CELF2: variants seen among roughly 807,000 people sequenced by gnomAD.
CELF2 encodes CUG triplet repeat RNA-binding protein 2.
A neutral mutation model predicts 62.6 loss-of-function variants in CELF2; 8 were observed. The observed-to-expected ratio is 0.13, with a 90% CI of 0.07 to 0.23. CELF2 has a LOEUF of 0.23. Among genes scored for constraint, CELF2 ranks in the 10% least tolerant of loss-of-function variants. The pLI, the probability that CELF2 is intolerant of heterozygous loss-of-function variation, is 1.00. For missense variants in CELF2, 333 were observed against 671.0 expected, an observed-to-expected ratio of 0.50 and a Z score of 5.56; for synonymous variants, 258 against 250.0, an observed-to-expected ratio of 1.03 and a Z score of -0.30.
chr10:11,250,955 T>C (rs548539366), intron 4 of CELF2, among the ~76,000 whole-genome samples: 5 of 152,348 alleles, frequency 3.3e-5, no homozygotes, highest in Non-Finnish European at 5.9e-5. Context: ...TCAGCCCTTG[T>C]GCTCCAGAGG....
At chr10:10,701,930 T>G in the CELF2 span, among the ~76,000 whole-genome samples, 39 of 152,346 alleles carry the variant, frequency 2.6e-4, no homozygotes, top group African/African-American at 9.1e-4. Flanking sequence ...CCTCATGAAC[T>G]TCTCCTGCGA....
chr10:10,873,504 G>C (rs1456062087), intron 1 of CELF2, among the ~76,000 whole-genome samples: 2 of 152,142 alleles, frequency 1.3e-5, no homozygotes, highest in Non-Finnish European at 2.9e-5. Flanking sequence ...GCTGGATTCT[G>C]TCCAAGGTGT....
chr10:11,185,127 G>C (rs1305246417), intron 2 of CELF2, among the ~76,000 whole-genome samples: 4 of 152,038 alleles, frequency 2.6e-5, no homozygotes, highest in Non-Finnish European at 5.9e-5. Context: ...CTGTTGAGAT[G>C]ATCATATCGG....
chr10:10,668,384 T>C, the CELF2 span, among the ~76,000 whole-genome samples: 18 of 152,166 alleles, frequency 1.2e-4, no homozygotes, highest in African/African-American at 4.1e-4. Flanking sequence ...TGCCCTACCT[T>C]GTGGATTTGA....
At chr10:10,791,359 C>A in the CELF2 span, among the ~76,000 whole-genome samples, 1 of 151,466 alleles carries the variant, frequency 6.6e-6, no homozygotes, top group East Asian at 1.9e-4. Flanking sequence ...CCAGTTGGAG[C>A]CGGGGTACAG....
At chr10:11,187,434 G>A (rs370846900) in intron 2 of CELF2, among the ~76,000 whole-genome samples, 42 of 152,092 alleles carry the variant, frequency 2.8e-4, no homozygotes, top group African/African-American at 1.0e-3. Flanking sequence ...TGCATTTATT[G>A]TACACAGCAG....
intron 4 of CELF2, among the ~76,000 whole-genome samples, chr10:11,249,779 A>C (rs2076606213): frequency 6.6e-6 from 1 of 152,208 alleles, no homozygotes; most frequent in African/African-American, 2.4e-5. Context: ...AGGTCCATAA[A>C]CAATTGGGTT....
the CELF2 span, among the ~76,000 whole-genome samples, chr10:10,566,098 C>T: frequency 4.9e-4 from 75 of 152,240 alleles, no homozygotes; most frequent in African/African-American, 1.5e-3. Context: ...TTATCCAACA[C>T]GTGAGGACAC....
chr10:10,670,632 C>T, the CELF2 span, among the ~76,000 whole-genome samples: 2 of 152,122 alleles, frequency 1.3e-5, no homozygotes, highest in African/African-American at 2.4e-5. Flanking sequence ...TACATAAGGG[C>T]TCACTCTTGG....
rs1301413872 is a variant in CELF2, at chr10:11,290,405, A to C, written c.976+1853A>C. 1.3e-5 allele frequency among the ~76,000 whole-genome samples: 2 copies of C among 151,970 alleles called. No homozygotes were observed. The highest frequency in any genetic ancestry group is 2.9e-5 in the Non-Finnish European group (2 of 67,994). ...GAGCGGAGTGGGGGCTCTGTGGTGG[A>C]CCGCGTCCGTTCCAGCCCACGTTGG... On this transcript the variant is annotated intron_variant, in intron 9 of 12. Transcript: ENST00000633077. The surrounding 1 kb of genome is among the most constrained non-coding windows in gnomAD (Gnocchi z 4.3).
At chr10:11,053,367 C>T (rs1222425697) in intron 1 of CELF2, among the ~76,000 whole-genome samples, 12 of 152,188 alleles carry the variant, frequency 7.9e-5, no homozygotes, top group Admixed American at 7.2e-4. Flanking sequence ...TCTGCTTCCT[C>T]TTGCCATTGG....
At chr10:10,499,949 AG>A in the CELF2 span, among the ~76,000 whole-genome samples, 1 of 45,690 alleles carries the variant, frequency 2.2e-5, no homozygotes, top group Non-Finnish European at 1.4e-4. Flanking sequence ...CTAGGACAAT[AG>A]AGAGACATAC....
chr10:11,239,284 T>C (rs2072844590), intron 3 of CELF2, among the ~76,000 whole-genome samples: 1 of 152,342 alleles, frequency 6.6e-6, no homozygotes, highest in South Asian at 2.1e-4. Context: ...GTGGTATCTT[T>C]ACAGCACAAA....
intron 1 of CELF2, among the ~76,000 whole-genome samples, chr10:11,112,493 A>G (rs564669977): frequency 6.6e-6 from 1 of 152,358 alleles, no homozygotes; most frequent in South Asian, 2.1e-4. Flanking sequence ...ATGCACATTC[A>G]CATGAGAGGG....
At chr10:10,586,108 A>G in the CELF2 span, among the ~76,000 whole-genome samples, 1 of 152,226 alleles carries the variant, frequency 6.6e-6, no homozygotes, top group Admixed American at 6.5e-5. Flanking sequence ...AAGCTGCACC[A>G]CTGCAAATGC....
In CELF2 at chr10:11,253,105, G is replaced by C. The variant is rs543021022; in HGVS notation, c.403+3904G>C. Reference sequence around the variant, plus strand: ...GCAGTGAGTGATACAAACAGAAGCTGCTTCGGTTCTGGGTCTGGTCTCAGA... The same window carrying C: ...GCAGTGAGTGATACAAACAGAAGCTCCTTCGGTTCTGGGTCTGGTCTCAGA... On this transcript the variant is annotated intron_variant, in intron 4 of 12. Coordinates refer to ENST00000633077, the MANE Select transcript of CELF2 (RefSeq NM_001326342.2). Among the ~76,000 whole-genome samples the C allele has an allele frequency of 2.6e-5, 4 of 152,284 alleles. No individual in the cohort carries two copies. The East Asian group carries it at 5.8e-4, about 22-fold the overall frequency.
chr10:10,968,692 T>C (rs545939988), intron 2 of CELF2, among the ~76,000 whole-genome samples: 3 of 151,212 alleles, frequency 2.0e-5, no homozygotes, highest in African/African-American at 7.3e-5. Context: ...ATAGCAAAGA[T>C]AAGAGTATAT....
At chr10:10,584,755 C>G in the CELF2 span, among the ~76,000 whole-genome samples, 1 of 152,176 alleles carries the variant, frequency 6.6e-6, no homozygotes, top group Non-Finnish European at 1.5e-5. Context: ...GGAAAGAGTT[C>G]CCTGTCTCTG....
chr10:10,820,274 CTT>C (rs1220865366), intron 1 of CELF2, among the ~76,000 whole-genome samples: 2 of 152,104 alleles, frequency 1.3e-5, no homozygotes, highest in Non-Finnish European at 2.9e-5. Flanking sequence ...TATTAGTACT[CTT>C]TTCTGTGGGT....
Sources: allele counts gnomAD v4.1 joint callset (sites outside exome capture counted in the v4.1 genomes callset), GRCh38; gene constraint gnomAD v4.1.1; non-coding constraint Gnocchi (gnomAD v3.1); transcripts MANE v1.5; gene names NCBI Gene and HGNC (gene_info 2026-07-23, HGNC 2026-07-21).